The following NRIP3 variants were observed in gnomAD, a reference collection of about 807,000 sequenced individuals.
The protein encoded by NRIP3 is nuclear receptor interacting protein 3.
In NRIP3, 31 loss-of-function variants were observed where a neutral mutation model predicts 29.0. The ratio of observed to expected loss-of-function variants is 1.07; its 90% CI spans 0.80 to 1.44. The LOEUF (loss-of-function observed/expected upper bound fraction) is 1.44. Among genes scored for constraint, NRIP3 ranks in the 40% most tolerant of loss-of-function variants. NRIP3 has a pLI of 0.00. For missense variants in NRIP3, 314 were observed against 297.9 expected, an observed-to-expected ratio of 1.05 and a Z score of -0.40; for synonymous variants, 131 against 118.3, an observed-to-expected ratio of 1.11 and a Z score of -0.70.
intron 1 of NRIP3, among the ~76,000 whole-genome samples, chr11:8,989,871 TA>T (rs1438467868): frequency 6.6e-6 from 1 of 152,216 alleles, no homozygotes; most frequent in African/African-American, 2.4e-5. Flanking sequence ...CCAACTCAGA[TA>T]AAACTGGACT....
In NRIP3 at chr11:8,982,693, T is replaced by G. The variant is rs1854440731; in HGVS notation, c.*852A>C. 4.1e-6 allele frequency: 1 copy of G among 241,526 alleles called. No individual in the cohort carries two copies. Among genetic ancestry groups the G allele is most frequent in the African/African-American group, 2.3e-5 (1 of 43,146 alleles). The allele number at this position is 241,526 out of a possible 1,614,324, so 15.0% of individuals were successfully genotyped here. A position where few individuals can be genotyped will look rare whatever the true frequency, so the allele number is the denominator to read the frequency against. On this transcript the variant is annotated 3_prime_UTR_variant, in exon 7 of 7. Transcript: ENST00000309166. ...CATTTCATTCATCTTTGTACGCTCG[T>G]TTTTAGGCACCAAGATGAGGGCCTA...
chr11:9,000,375 C>T (rs1252523868), intron 1 of NRIP3, among the ~76,000 whole-genome samples: 1 of 152,186 alleles, frequency 6.6e-6, no homozygotes, highest in East Asian at 1.9e-4. Flanking sequence ...GATAGCTAAT[C>T]TATAGGGCAC....
At chr11:9,000,371 T>TAATC (rs1440216140) in intron 1 of NRIP3, among the ~76,000 whole-genome samples, 1 of 152,250 alleles carries the variant, frequency 6.6e-6, no homozygotes, top group Non-Finnish European at 1.5e-5. Flanking sequence ...TATGGATAGC[T>TAATC]AATCTATAGG....
Position 8,983,197 on chromosome 11 carries a change from CATAT to C in NRIP3, c.*344_*347del, listed in dbSNP as rs1267099805. On this transcript the variant is annotated 3_prime_UTR_variant, in exon 7 of 7. Coordinates refer to ENST00000309166, the MANE Select transcript of NRIP3 (RefSeq NM_020645.3). ...ACATTTAGCTATAGGAAAAGAAGCA[CATAT>C]ATCTATGGAGACACAGAACCTGGCA... The C allele has an allele frequency of 1.4e-5, 6 of 430,410 alleles. No homozygotes were observed. The highest frequency in any genetic ancestry group is 2.5e-5 in the Non-Finnish European group (6 of 235,568). 26.7% of individuals were successfully genotyped at this position (430,410 alleles called of 1,614,324 possible). A position where few individuals can be genotyped will look rare whatever the true frequency, so the allele number is the denominator to read the frequency against.
intron 1 of NRIP3, among the ~76,000 whole-genome samples, chr11:8,993,859 G>A (rs554884265): frequency 6.7e-6 from 1 of 149,644 alleles, no homozygotes; most frequent in Non-Finnish European, 1.5e-5. Flanking sequence ...GATGAAAACA[G>A]TTAATTAAGA....
chr11:8,997,290 G>A (rs535770806), intron 1 of NRIP3, among the ~76,000 whole-genome samples: 13 of 141,814 alleles, frequency 9.2e-5, no homozygotes, highest in South Asian at 2.2e-4. Flanking sequence ...CAGGAGAATC[G>A]CTTGAACCCG....
chr11:8,984,393 G>A (rs955475811), intron 4 of NRIP3, among the ~76,000 whole-genome samples: 1 of 152,044 alleles, frequency 6.6e-6, no homozygotes, highest in African/African-American at 2.4e-5. Context: ...CTCTGGAGTA[G>A]CTGGGATTAC....
At chr11:8,988,465 T>G (rs186175322) in intron 1 of NRIP3, among the ~76,000 whole-genome samples, 183 bp from the exon 2 acceptor site, 2 of 152,276 alleles carry the variant, frequency 1.3e-5, no homozygotes, top group Admixed American at 6.5e-5. Flanking sequence ...CATAAACCAA[T>G]TTGCAGTAGG....
intron 1 of NRIP3, among the ~76,000 whole-genome samples, chr11:9,002,683 G>A (rs1854830417): frequency 6.7e-6 from 1 of 148,548 alleles, no homozygotes; most frequent in Non-Finnish European, 1.5e-5. Context: ...AACTAGGGCC[G>A]ACAACCACAT....
chr11:9,004,118 C>T (rs1247180475), upstream of NRIP3: 3 of 414,818 alleles, frequency 7.2e-6, no homozygotes, highest in Non-Finnish European at 1.2e-5. Flanking sequence ...GGCTCCCTCG[C>T]GTCCCGCGTC....
At chr11:9,001,712 C>T (rs12805109) in intron 1 of NRIP3, among the ~76,000 whole-genome samples, 44,818 of 150,986 alleles carry the variant, frequency 0.3, 7,363 homozygotes, top group Middle Eastern at 0.45. Context: ...AAGGCTGCAA[C>T]AACAGTTCCA....
chr11:9,002,373 CTT>C (rs1854820191), intron 1 of NRIP3, among the ~76,000 whole-genome samples: 1 of 151,910 alleles, frequency 6.6e-6, no homozygotes, highest in Non-Finnish European at 1.5e-5. Flanking sequence ...ATTTCAATCA[CTT>C]ATCACTCTGG....
At chr11:9,001,008 G>A (rs901500244) in intron 1 of NRIP3, among the ~76,000 whole-genome samples, 2 of 152,066 alleles carry the variant, frequency 1.3e-5, no homozygotes, top group Non-Finnish European at 2.9e-5. Context: ...GGTCGAGGCT[G>A]CAGTAAGATG....
chr11:9,004,068 G>T, upstream of NRIP3: 2 of 848,986 alleles, frequency 2.4e-6, no homozygotes, highest in Non-Finnish European at 3.3e-6. Context: ...GCCAGTGCGC[G>T]CGCGGGGGGC....
Position 8,982,309 on chromosome 11 carries a change from C to G in NRIP3, c.*1236G>C, listed in dbSNP as rs191511031. 10 of 152,376 alleles carry G rather than the reference C, an allele frequency of 6.6e-5. No homozygotes were observed. The highest frequency in any genetic ancestry group is 2.4e-4 in the African/African-American group (10 of 41,576). 9.4% of individuals were successfully genotyped at this position (152,376 alleles called of 1,614,324 possible). A position where few individuals can be genotyped will look rare whatever the true frequency, so the allele number is the denominator to read the frequency against. On this transcript the variant is annotated 3_prime_UTR_variant, in exon 7 of 7. Coordinates refer to ENST00000309166, the MANE Select transcript of NRIP3 (RefSeq NM_020645.3). ...TTGCCGGCTCCTGCTCTGCCTCTTTCCTTGTATCAGGACAGAACTGAACAT... is the reference window on the plus strand; with the variant it reads ...TTGCCGGCTCCTGCTCTGCCTCTTTGCTTGTATCAGGACAGAACTGAACAT...
chr11:9,000,565 A>T (rs1854775971), intron 1 of NRIP3, among the ~76,000 whole-genome samples: 1 of 152,250 alleles, frequency 6.6e-6, no homozygotes, highest in Non-Finnish European at 1.5e-5. Flanking sequence ...ATTGCCAGAC[A>T]AGTAAGAATA....
chr11:8,992,096 A>G (rs1854612295), intron 1 of NRIP3, among the ~76,000 whole-genome samples: 1 of 152,224 alleles, frequency 6.6e-6, no homozygotes, highest in South Asian at 2.1e-4. Context: ...TTGAGCTGTT[A>G]TATATTTGCA....
At chr11:8,996,331 G>A (rs149153376) in intron 1 of NRIP3, among the ~76,000 whole-genome samples, 2,932 of 130,412 alleles carry the variant, frequency 0.022, 43 homozygotes, top group Middle Eastern at 0.036. Context: ...TCCCAGGCTG[G>A]AGTGCAGTGG....
chr11:8,995,528 C>T (rs190294443), intron 1 of NRIP3, among the ~76,000 whole-genome samples: 2 of 152,152 alleles, frequency 1.3e-5, no homozygotes, highest in Non-Finnish European at 2.9e-5. Context: ...CTGAAACACA[C>T]CTGGAATTGA....
Sources: allele counts gnomAD v4.1 joint callset (sites outside exome capture counted in the v4.1 genomes callset), GRCh38; gene constraint gnomAD v4.1.1; transcripts MANE v1.5; gene names NCBI Gene and HGNC (gene_info 2026-07-23, HGNC 2026-07-21).